PPP2R2C: variants seen among roughly 807,000 people sequenced by gnomAD.
PPP2R2C encodes protein phosphatase 2 regulatory subunit Bgamma.
Under a neutral mutation model 45.3 loss-of-function variants are expected in PPP2R2C, and 10 were observed. The observed-to-expected ratio is 0.22, with a 90% confidence interval of 0.14 to 0.37. The LOEUF (loss-of-function observed/expected upper bound fraction) is 0.37. PPP2R2C is among the 10% of genes least tolerant of loss of function. The pLI is 1.00. For missense variants in PPP2R2C, 308 were observed against 619.7 expected, an observed-to-expected ratio of 0.50 and a Z score of 5.34; for synonymous variants, 257 against 245.4, an observed-to-expected ratio of 1.05 and a Z score of -0.44.
intron 1 of PPP2R2C, among the ~76,000 whole-genome samples, chr4:6,439,547 G>A (rs1258275265): frequency 6.6e-6 from 1 of 152,134 alleles, no homozygotes; most frequent in Non-Finnish European, 1.5e-5. Flanking sequence ...GCTGATGGAT[G>A]GCTCTGGTCA....
At chr4:6,558,023 C>T (rs1472476641) in intron 1 of PPP2R2C, among the ~76,000 whole-genome samples, 1 of 152,170 alleles carries the variant, frequency 6.6e-6, no homozygotes, top group African/African-American at 2.4e-5. Context: ...TGCTTCTGAG[C>T]AGCCTCAGCA....
chr4:6,348,726 G>C (rs1712242780), intron 5 of PPP2R2C: 1 of 984,318 alleles, frequency 1.0e-6, no homozygotes, highest in Non-Finnish European at 1.2e-6. Flanking sequence ...TCTGCTGCCA[G>C]GACAAGGAGA....
chr4:6,493,277 G>C (rs192226567), intron 2 of PPP2R2C, among the ~76,000 whole-genome samples: 106 of 151,904 alleles, frequency 7.0e-4, no homozygotes, highest in African/African-American at 2.3e-3. Context: ...CCCCCTTTCT[G>C]GGCTTTGCTT....
At chr4:6,491,913 T>C (rs1166340791) in intron 2 of PPP2R2C, among the ~76,000 whole-genome samples, 1 of 152,190 alleles carries the variant, frequency 6.6e-6, no homozygotes, top group Non-Finnish European at 1.5e-5. Flanking sequence ...CTTAATAAAT[T>C]ACCCAGTCTC....
At chr4:6,388,281 G>A (rs913737918) in intron 1 of PPP2R2C, among the ~76,000 whole-genome samples, 1 of 152,200 alleles carries the variant, frequency 6.6e-6, no homozygotes, top group Non-Finnish European at 1.5e-5. Context: ...GGTGCCCAGA[G>A]AGGTGAGAGG....
intron 1 of PPP2R2C, among the ~76,000 whole-genome samples, chr4:6,537,010 C>G (rs1724640689): frequency 1.3e-5 from 2 of 152,130 alleles, no homozygotes; most frequent in African/African-American, 4.8e-5. Context: ...CGAGACCAGC[C>G]TGGCCAACAT....
intron 1 of PPP2R2C, among the ~76,000 whole-genome samples, chr4:6,547,843 A>C (rs73086931): frequency 0.031 from 4,658 of 152,286 alleles, 199 homozygotes; most frequent in African/African-American, 0.1. Context: ...GTGAAGCCTA[A>C]AACCATGAGA....
chr4:6,481,850 G>A (rs1408308199), intron 2 of PPP2R2C, among the ~76,000 whole-genome samples: 4 of 151,794 alleles, frequency 2.6e-5, no homozygotes, highest in Non-Finnish European at 4.4e-5. Context: ...ATGGTGGCAC[G>A]TGCCTGTAGT....
At chr4:6,428,611 A>G (rs1356608277) in intron 1 of PPP2R2C, among the ~76,000 whole-genome samples, 3 of 152,208 alleles carry the variant, frequency 2.0e-5, no homozygotes, top group Non-Finnish European at 4.4e-5. Flanking sequence ...CAGAAGTTTC[A>G]CAGCCCTGGA....
rs1046941475 is a variant in PPP2R2C, at chr4:6,383,350, T to A, written c.71-2256A>T. 3.7e-5 allele frequency: 48 copies of A among 1,289,196 alleles called. 1 individual carries two copies. In the South Asian group the frequency reaches 5.1e-4, roughly 14 times the overall value. 79.9% of individuals were successfully genotyped at this position (1,289,196 alleles called of 1,614,324 possible). A position where few individuals can be genotyped will look rare whatever the true frequency, so the allele number is the denominator to read the frequency against. On this transcript the variant is annotated intron_variant, in intron 1 of 8. Transcript: ENST00000382599. Reference sequence around the variant, plus strand: ...TCGCAGATGCAAGATGATGAAAACATTTACTGTTGTATGCACGGGGTCTCG... The same window carrying A: ...TCGCAGATGCAAGATGATGAAAACAATTACTGTTGTATGCACGGGGTCTCG...
At position 6,427,314 on chromosome 4, in the gene PPP2R2C, C is replaced by T. The variant is rs541800544; in HGVS notation, c.70+44846G>A. On this transcript the variant is annotated intron_variant, in intron 1 of 8. Coordinates refer to ENST00000382599, the MANE Select transcript of PPP2R2C (RefSeq NM_020416.4). ...CAGCATCTCAATGCTCAAACGAGGA[C>T]GTGGGAAATCCTGGCAGGACAGTGC... Among the ~76,000 whole-genome samples, 5 of 152,346 alleles carry T rather than the reference C, an allele frequency of 3.3e-5. 1 individual carries two copies. Among genetic ancestry groups the T allele is most frequent in the South Asian group, 4.1e-4 (2 of 4,828 alleles).
rs1179038478 is a variant in PPP2R2C at position 6,324,037 on chromosome 4, T to G, written c.1053-444A>C. On this transcript the variant is annotated intron_variant, in intron 8 of 8. Transcript: ENST00000382599. This position sits in a 1 kb window ranked among gnomAD's most constrained non-coding sequence, Gnocchi z 4.1. ...ACACCTGCCTCTATTCCCCTGTATC[T>G]TGGGGTCTCTTATACCCCCTCACAT... Among the ~76,000 whole-genome samples, 5 of 152,232 alleles carry G rather than the reference T, an allele frequency of 3.3e-5. No individual in the cohort carries two copies. The highest frequency in any genetic ancestry group is 6.5e-5 in the Admixed American group (1 of 15,282).
At position 6,375,835 on chromosome 4, in the gene PPP2R2C, G is replaced by A. The variant is rs763126722; in HGVS notation, c.431C>T (p.Thr144Met). ...DEEGKLKDLS[T>M]VTSLQVPVLK... ...GGAGCTCACCTGCAGTGACGTCACC[G>A]TGGACAGGTCCTTAAGTTTCCCCTC... The change falls in exon 4 of 9, where the codon ACG becomes ATG. Residue 144 changes from threonine to methionine, a missense_variant. Physicochemically the swap from Thr to Met is moderately conservative, Grantham distance 81. Coordinates refer to ENST00000382599, the MANE Select transcript of PPP2R2C (RefSeq NM_020416.4). 23 of 1,613,342 alleles carry A rather than the reference G, an allele frequency of 1.4e-5. No homozygotes were observed. The highest frequency in any genetic ancestry group is 4.5e-5 in the East Asian group (2 of 44,856).
intron 1 of PPP2R2C, among the ~76,000 whole-genome samples, chr4:6,450,630 G>T (rs1297787770): frequency 6.6e-6 from 1 of 152,208 alleles, no homozygotes; most frequent in Non-Finnish European, 1.5e-5. Context: ...CCAGGCAGCT[G>T]CCTGGAGCCC....
intron 5 of PPP2R2C, among the ~76,000 whole-genome samples, chr4:6,365,383 G>A (rs1487512351): frequency 1.3e-5 from 2 of 152,228 alleles, no homozygotes; most frequent in Non-Finnish European, 2.9e-5. Context: ...AGAAGAGGTG[G>A]CCTGTAAGGT....
intron 1 of PPP2R2C, among the ~76,000 whole-genome samples, chr4:6,447,787 C>T (rs17779675): frequency 0.28 from 42,556 of 151,996 alleles, 6,431 homozygotes; most frequent in Non-Finnish European, 0.35. Context: ...CTGAACTTCT[C>T]GGGGTCTCCG....
intron 5 of PPP2R2C, chr4:6,349,830 G>T: frequency 2.1e-6 from 2 of 930,624 alleles, no homozygotes; most frequent in Non-Finnish European, 1.3e-6. Flanking sequence ...GGTGGATGTT[G>T]CAGTTAGCCG....
intron 1 of PPP2R2C, among the ~76,000 whole-genome samples, chr4:6,415,509 C>T (rs190761724): frequency 6.6e-6 from 1 of 152,212 alleles, no homozygotes; most frequent in Non-Finnish European, 1.5e-5. Context: ...TCAGAACCCA[C>T]GCTGATCCAG....
upstream of PPP2R2C, among the ~76,000 whole-genome samples, chr4:6,474,937 C>G (rs991294939): frequency 1.3e-5 from 2 of 152,114 alleles, no homozygotes; most frequent in African/African-American, 4.8e-5. Flanking sequence ...AGCTCCAGAT[C>G]CTGCCACCCC....
Sources: allele counts gnomAD v4.1 joint callset (sites outside exome capture counted in the v4.1 genomes callset), GRCh38; gene constraint gnomAD v4.1.1; non-coding constraint Gnocchi (gnomAD v3.1); transcripts MANE v1.5; gene names NCBI Gene and HGNC (gene_info 2026-07-23, HGNC 2026-07-21).